SESN3: variants seen among roughly 807,000 people sequenced by gnomAD.
The protein encoded by SESN3 is sestrin 3.
In SESN3, 21 loss-of-function variants were observed where a neutral mutation model predicts 55.3. The ratio of observed to expected loss-of-function variants is 0.38; its 90% confidence interval spans 0.27 to 0.55. SESN3 has a LOEUF of 0.55. SESN3 is among the 20% of genes least tolerant of loss of function. The pLI is 0.76. For missense variants in SESN3, 408 were observed against 604.3 expected, an observed-to-expected ratio of 0.68 and a Z score of 3.41; for synonymous variants, 181 against 203.1, an observed-to-expected ratio of 0.89 and a Z score of 0.93.
intron 1 of SESN3, among the ~76,000 whole-genome samples, chr11:95,218,647 CTTTTTT>C (rs68150878): frequency 8.2e-6 from 1 of 122,058 alleles, no homozygotes; most frequent in Admixed American, 9.0e-5. Flanking sequence ...GATTTACCCT[CTTTTTT>C]TTTTTTTTTT....
chr11:95,178,658 C>T lies in SESN3; in HGVS notation c.1056+52G>A, dbSNP rs530367749. 7.4e-6 allele frequency: 8 copies of T among 1,082,878 alleles called. No individual in the cohort carries two copies. The South Asian group carries it at 1.0e-4, about 14-fold the overall frequency. 67.1% of individuals were successfully genotyped at this position (1,082,878 alleles called of 1,614,324 possible). On this transcript the variant is annotated intron_variant, in intron 7 of 9. Coordinates refer to ENST00000536441, the MANE Select transcript of SESN3 (RefSeq NM_144665.4). ...CAATTTTTAAAATTTAAACACTTAA[C>T]AGTTAAAATGACAGTATGTTCTAGT...
intron 6 of SESN3, among the ~76,000 whole-genome samples, chr11:95,183,499 A>C (rs1860093233): frequency 6.6e-6 from 1 of 152,018 alleles, no homozygotes; most frequent in Non-Finnish European, 1.5e-5. Flanking sequence ...TAAGACAGGC[A>C]GTAGTTTTGA....
At chr11:95,229,055 A>AT (rs1860999867) in intron 1 of SESN3, among the ~76,000 whole-genome samples, 1 of 152,212 alleles carries the variant, frequency 6.6e-6, no homozygotes, top group South Asian at 2.1e-4. Flanking sequence ...AAATTTTTTT[A>AT]TCAAAGTCAA....
At chr11:95,191,624 C>G (rs1455878160) in intron 2 of SESN3, 23 bp from the exon 3 acceptor site, 5 of 1,592,136 alleles carry the variant, frequency 3.1e-6, no homozygotes, top group Admixed American at 1.7e-5. Flanking sequence ...AAAAACAAAA[C>G]AAAATGACTA....
At chr11:95,206,365 TACACACACACACACACACACACAC>T (rs3032056) in intron 1 of SESN3, among the ~76,000 whole-genome samples, 3 of 140,378 alleles carry the variant, frequency 2.1e-5, no homozygotes, top group Admixed American at 7.1e-5. Flanking sequence ...AGTCCTAAAA[TACACACACACACACACACACACAC>T]ACACACACAC....
At chr11:95,183,027 C>A (rs1479744251) in intron 6 of SESN3, among the ~76,000 whole-genome samples, 2 of 152,228 alleles carry the variant, frequency 1.3e-5, no homozygotes, top group East Asian at 1.9e-4. Flanking sequence ...GGGTTCAGTG[C>A]CCTCTTCTAG....
intron 1 of SESN3, among the ~76,000 whole-genome samples, chr11:95,210,931 T>TA (rs955315100): frequency 1.3e-5 from 2 of 151,468 alleles, no homozygotes; most frequent in African/African-American, 2.4e-5. Flanking sequence ...TTGGCCAGAC[T>TA]AAAAAAAAGG....
chr11:95,186,062 G>A (rs571883446), intron 4 of SESN3, among the ~76,000 whole-genome samples: 2 of 151,988 alleles, frequency 1.3e-5, no homozygotes, highest in Admixed American at 6.6e-5. Context: ...GCTGAATGAT[G>A]GATCACAAAT....
At chr11:95,182,184 A>G in intron 6 of SESN3, 1 of 326,906 alleles carries the variant, frequency 3.1e-6, no homozygotes, top group Non-Finnish European at 6.0e-6. Flanking sequence ...CCTAAGAGAA[A>G]TAAAACATTG....
intron 1 of SESN3, among the ~76,000 whole-genome samples, chr11:95,225,133 G>C (rs1591081778): frequency 1.3e-5 from 2 of 152,100 alleles, no homozygotes; most frequent in African/African-American, 2.4e-5. Flanking sequence ...CAGTGATAAC[G>C]GTTTGGTGCC....
chr11:95,230,686 T>C lies in SESN3; in HGVS notation c.78+97A>G. ...CGGAGGGACGGTGCCCGGGGATCCC[T>C]CTCAGCCTCCCCCAGTGCGCGCCCG... is the stretch of plus-strand genomic sequence containing the variant. On this transcript the variant is annotated intron_variant, in intron 1 of 9. Transcript: ENST00000536441. The surrounding 1 kb of genome is among the most constrained non-coding windows in gnomAD (Gnocchi z 4.6). 3.5e-6 allele frequency: 3 copies of C among 859,650 alleles called. No individual in the cohort carries two copies. The highest frequency in any genetic ancestry group is 5.5e-5 in the East Asian group (2 of 36,672). 53.3% of individuals were successfully genotyped at this position (859,650 alleles called of 1,614,324 possible). A position where few individuals can be genotyped will look rare whatever the true frequency, so the allele number is the denominator to read the frequency against.
rs547836619 is a variant in SESN3, at chr11:95,186,174, TTCTC to T, written c.526-686_526-683del. Among the ~76,000 whole-genome samples, 343 of 107,716 alleles carry T rather than the reference TTCTC, an allele frequency of 3.2e-3. 2 individuals carry two copies. Among genetic ancestry groups the T allele is most frequent in the East Asian group, 0.023 (76 of 3,310 alleles). 70.7% of individuals were successfully genotyped at this position (107,716 alleles called of 152,430 possible). On this transcript the variant is annotated intron_variant, in intron 4 of 9. Transcript: ENST00000536441. The stretch of plus-strand genomic sequence containing the variant: ...CCATCGGTGTTCATTTTCTCTCCCT[TTCTC>T]TCTCTCTATCTCTCACTGTGTGTGT...
intron 4 of SESN3, among the ~76,000 whole-genome samples, chr11:95,189,522 G>A (rs1055510930): frequency 2.0e-5 from 3 of 151,892 alleles, no homozygotes; most frequent in Non-Finnish European, 4.4e-5. Flanking sequence ...TCATGCTAGT[G>A]TATTTTCTTT....
At position 95,172,160 on chromosome 11, in the gene SESN3, ACT is replaced by A. The variant is rs1488483262; in HGVS notation, c.*1093_*1094del. On this transcript the variant is annotated 3_prime_UTR_variant, in exon 10 of 10. Coordinates refer to ENST00000536441, the MANE Select transcript of SESN3 (RefSeq NM_144665.4). Reference sequence around the variant, plus strand: ...GTTGAGTATTTTTTGAACATATTGCACTCTGTTTTTGTAGTTCAATCACATTA... The same window carrying A: ...GTTGAGTATTTTTTGAACATATTGCACTGTTTTTGTAGTTCAATCACATTA... 2 of 152,074 alleles carry A rather than the reference ACT, an allele frequency of 1.3e-5. No individual in the cohort carries two copies. Among genetic ancestry groups the A allele is most frequent in the Non-Finnish European group, 2.9e-5 (2 of 68,000 alleles). The allele number at this position is 152,074 out of a possible 1,614,324, so 9.4% of individuals were successfully genotyped here.
At chr11:95,207,990 A>G (rs1238378618) in intron 1 of SESN3, among the ~76,000 whole-genome samples, 1 of 151,430 alleles carries the variant, frequency 6.6e-6, no homozygotes, top group African/African-American at 2.4e-5. Flanking sequence ...TGTTCTTCAT[A>G]AATGATCCAG....
chr11:95,207,001 G>C (rs1443669169), intron 1 of SESN3, among the ~76,000 whole-genome samples: 1 of 151,754 alleles, frequency 6.6e-6, no homozygotes, highest in East Asian at 1.9e-4. Flanking sequence ...GGCTAGTCTT[G>C]AACTCCTGAC....
At chr11:95,186,689 T>C (rs1354241141) in intron 4 of SESN3, among the ~76,000 whole-genome samples, 3 of 151,934 alleles carry the variant, frequency 2.0e-5, no homozygotes, top group Non-Finnish European at 4.4e-5. Flanking sequence ...ACATTATATA[T>C]TATCAAAATA....
At chr11:95,231,203 G>T (rs1861060676), upstream of SESN3, 3 of 407,166 alleles carry the variant, frequency 7.4e-6, no homozygotes, top group African/African-American at 2.1e-5. Flanking sequence ...GCCTCAGTGC[G>T]GCCCCGCCTC....
intron 1 of SESN3, among the ~76,000 whole-genome samples, chr11:95,219,346 A>G (rs940712208): frequency 6.6e-6 from 1 of 152,014 alleles, no homozygotes; most frequent in African/African-American, 2.4e-5. Flanking sequence ...TCTTTACTGG[A>G]GCACATTTGC....
Sources: allele counts gnomAD v4.1 joint callset (sites outside exome capture counted in the v4.1 genomes callset), GRCh38; gene constraint gnomAD v4.1.1; non-coding constraint Gnocchi (gnomAD v3.1); transcripts MANE v1.5; gene names NCBI Gene and HGNC (gene_info 2026-07-23, HGNC 2026-07-21).